The following SNPH variants were observed in gnomAD, a reference collection of about 807,000 sequenced individuals.
SNPH encodes syntaphilin.
A neutral mutation model predicts 36.8 loss-of-function variants in SNPH; 10 were observed. The ratio of observed to expected loss-of-function variants is 0.27; its 90% CI spans 0.17 to 0.46. The LOEUF is 0.46. Among genes scored for constraint, SNPH ranks in the 20% least tolerant of loss-of-function variants. SNPH has a pLI of 1.00. For synonymous variants in SNPH, 281 were observed against 312.2 expected (o/e 0.90, Z 1.05); for missense variants, 622 against 744.0 (o/e 0.84, Z 1.91).
chr20:1,288,841 T>G (rs1257689326), intron 2 of SNPH, among the ~76,000 whole-genome samples: 1 of 152,126 alleles, frequency 6.6e-6, no homozygotes, highest in Non-Finnish European at 1.5e-5. Flanking sequence ...AGGCTGGTCT[T>G]GAAATCCTGA....
chr20:1,305,887 G>A lies in SNPH; in HGVS notation c.1450G>A (p.Val484Met). Reference protein sequence around the residue: ...LAVVVPAVPTVAWLCRSQRRQ... With the variant: ...LAVVVPAVPTMAWLCRSQRRQ... ...TGTGGTGGTGCCGGCCGTGCCCACG[G>A]TGGCCTGGCTTTGCCGCTCCCAGCG... is the stretch of plus-strand genomic sequence containing the variant. The change falls in exon 7 of 7, where the codon GTG (valine) becomes ATG (methionine). Residue 484 changes from valine (V) to methionine (M), a missense_variant. Physicochemically the swap from Val to Met is conservative, Grantham distance 21. Around this residue, in one of 3 missense-constraint regions of SNPH, gnomAD observed 379 missense variants for 427.9 expected, o/e 0.89. Coordinates refer to ENST00000381867, the MANE Select transcript of SNPH (RefSeq NM_001318234.2). 6.3e-7 allele frequency: 1 copy of A among 1,598,426 alleles called. No homozygotes were observed. The highest frequency in any genetic ancestry group is 1.3e-5 in the African/African-American group (1 of 74,778).
In SNPH at chr20:1,294,319, A is replaced by T. The variant is rs186559235; in HGVS notation, c.-492-632A>T. On this transcript the variant is annotated intron_variant, in intron 2 of 6. Transcript: ENST00000381867. This position sits in a 1 kb window ranked among gnomAD's most constrained non-coding sequence, Gnocchi z 4.4. Reference sequence around the variant, plus strand: ...CAGGTGATCCTTGGAGCCCTTGCCCATGTGCCCCTCTGCACCCTAAGCTGT... The same window carrying T: ...CAGGTGATCCTTGGAGCCCTTGCCCTTGTGCCCCTCTGCACCCTAAGCTGT... Among the ~76,000 whole-genome samples, 1 of 152,286 alleles carries T rather than the reference A, an allele frequency of 6.6e-6. No individual in the cohort carries two copies. The highest frequency in any genetic ancestry group is 2.4e-5 in the African/African-American group (1 of 41,572).
chr20:1,279,005 T>C (rs2088184589), intron 2 of SNPH, among the ~76,000 whole-genome samples: 1 of 152,264 alleles, frequency 6.6e-6, no homozygotes, highest in Non-Finnish European at 1.5e-5. Context: ...TTTTTGGCTA[T>C]TACAAGTAAA....
intron 2 of SNPH, among the ~76,000 whole-genome samples, chr20:1,282,612 C>T (rs1488837207): frequency 6.6e-6 from 1 of 152,174 alleles, no homozygotes; most frequent in Non-Finnish European, 1.5e-5. Context: ...GTATGTACTA[C>T]TTTTACAACT....
chr20:1,290,983 C>G (rs989727116), intron 2 of SNPH, among the ~76,000 whole-genome samples: 3 of 152,204 alleles, frequency 2.0e-5, no homozygotes, highest in Admixed American at 2.0e-4. Flanking sequence ...TACTTCACAC[C>G]TTCCATATGT....
Position 1,305,688 on chromosome 20 carries a change from A to G in SNPH, c.1251A>G (p.Leu417=). The change falls in exon 7 of 7, where the codon CTA becomes CTG. Residue 417 remains leucine, a synonymous_variant. Coordinates refer to ENST00000381867, the MANE Select transcript of SNPH (RefSeq NM_001318234.2). The stretch of plus-strand genomic sequence containing the variant: ...TGGTGGTGACAGTGGGTGATGAGCT[A>G]GAGGCCCCAGAGCCCATCACCCGTG... The part of the protein sequence containing the change: ...SAVVVTVGDE[L]EAPEPITRGP... The G allele has an allele frequency of 1.2e-6, 2 of 1,610,780 alleles. No homozygotes were observed. The highest frequency in any genetic ancestry group is 1.7e-6 in the Non-Finnish European group (2 of 1,178,574).
intron 6 of SNPH, among the ~76,000 whole-genome samples, chr20:1,301,319 T>C (rs188892275): frequency 1.4e-4 from 21 of 152,164 alleles, no homozygotes; most frequent in South Asian, 2.1e-4. Context: ...TCCCAGCTTC[T>C]ACCCTCCAAG....
intron 2 of SNPH, among the ~76,000 whole-genome samples, chr20:1,270,298 C>T (rs1325664832): frequency 6.6e-6 from 1 of 151,686 alleles, no homozygotes; most frequent in Admixed American, 6.6e-5. Flanking sequence ...GGGAGACAGA[C>T]ACCTAAACGT....
intron 3 of SNPH, among the ~76,000 whole-genome samples, chr20:1,295,271 G>A (rs1000064117): frequency 1.3e-5 from 2 of 152,164 alleles, no homozygotes; most frequent in Non-Finnish European, 2.9e-5. Context: ...ATCCAGCCCA[G>A]CATGGGGCCT....
chr20:1,301,259 G>T (rs1214081803), intron 6 of SNPH, among the ~76,000 whole-genome samples: 1 of 152,060 alleles, frequency 6.6e-6, no homozygotes, highest in Non-Finnish European at 1.5e-5. Context: ...TGTCTCCCAG[G>T]AGCCCCCGCA....
At chr20:1,284,566 G>T (rs180810074) in intron 2 of SNPH, among the ~76,000 whole-genome samples, 4 of 152,316 alleles carry the variant, frequency 2.6e-5, no homozygotes, top group Admixed American at 1.3e-4. Flanking sequence ...AGGAGGGGTT[G>T]TATTTTAAAC....
chr20:1,298,961 C>T (rs1309050934), intron 5 of SNPH, among the ~76,000 whole-genome samples: 1 of 151,444 alleles, frequency 6.6e-6, no homozygotes, highest in African/African-American at 2.4e-5. Flanking sequence ...TAGTTACTTC[C>T]TCTCTAATCC....
rs2088541286 is a variant in SNPH, at chr20:1,304,451, A to G, written c.441-427A>G. Among the ~76,000 whole-genome samples, 1 of 152,090 alleles carries G rather than the reference A, an allele frequency of 6.6e-6. No homozygotes were observed. Among genetic ancestry groups the G allele is most frequent in the African/African-American group, 2.4e-5 (1 of 41,404 alleles). ...CTACATCACTTTCTATAGAGCAGAG[A>G]TTTCCTGCCTAGTTTTTGTTGTTTC... On this transcript the variant is annotated intron_variant, in intron 6 of 6. Transcript: ENST00000381867. This position sits in a 1 kb window ranked among gnomAD's most constrained non-coding sequence, Gnocchi z 4.3.
intron 2 of SNPH, among the ~76,000 whole-genome samples, chr20:1,287,668 G>A (rs2088299849): frequency 6.6e-6 from 1 of 152,138 alleles, no homozygotes; most frequent in Non-Finnish European, 1.5e-5. Context: ...AGGGGATTAG[G>A]CATTTACCTA....
rs770851087 is a variant in SNPH at position 1,305,728 on chromosome 20, C to A, written c.1291C>A (p.Arg431=). The change falls in exon 7 of 7, where the codon CGG becomes AGG. Residue 431 remains arginine (R), a synonymous_variant. Transcript: ENST00000381867. ...EPITRGPTPQ[R]PGANPNPGQS... ...CATCACCCGTGGACCCACCCCACAG[C>A]GGCCTGGTGCCAACCCCAACCCTGG... 2.2e-5 allele frequency: 35 copies of A among 1,609,860 alleles called. No individual in the cohort carries two copies. Among genetic ancestry groups the A allele is most frequent in the Non-Finnish European group, 2.9e-5 (34 of 1,178,256 alleles).
At chr20:1,275,261 G>A (rs747975019) in intron 2 of SNPH, among the ~76,000 whole-genome samples, 6 of 152,188 alleles carry the variant, frequency 3.9e-5, no homozygotes, top group Non-Finnish European at 5.9e-5. Flanking sequence ...AAGAGAAATC[G>A]ATTATTCCTG....
chr20:1,274,135 A>G (rs1213072682), intron 2 of SNPH, among the ~76,000 whole-genome samples: 2 of 152,228 alleles, frequency 1.3e-5, no homozygotes, highest in Non-Finnish European at 2.9e-5. Flanking sequence ...CCAAAGTTAT[A>G]TAAGCACAAG....
intron 2 of SNPH, among the ~76,000 whole-genome samples, chr20:1,283,441 T>C (rs1329489620): frequency 6.6e-6 from 1 of 152,076 alleles, no homozygotes; most frequent in Non-Finnish European, 1.5e-5. Context: ...CACAGACCAG[T>C]TATAAGAGCA....
intron 2 of SNPH, among the ~76,000 whole-genome samples, chr20:1,283,038 G>T (rs182955639): frequency 6.6e-6 from 1 of 152,134 alleles, no homozygotes; most frequent in Admixed American, 6.5e-5. Flanking sequence ...TTACAAGGTC[G>T]GGGAGATCAG....
Sources: allele counts gnomAD v4.1 joint callset (sites outside exome capture counted in the v4.1 genomes callset), GRCh38; gene constraint gnomAD v4.1.1; regional missense constraint gnomAD v4.1.1; non-coding constraint Gnocchi (gnomAD v3.1); transcripts MANE v1.5; gene names NCBI Gene and HGNC (gene_info 2026-07-23, HGNC 2026-07-21).